The following LRP2 variants were observed in gnomAD, a reference collection of about 807,000 sequenced individuals.
LRP2 encodes the protein low-density lipoprotein receptor-related protein 2.
A neutral mutation model predicts 531.0 loss-of-function variants in LRP2; 172 were observed. The ratio of observed to expected loss-of-function variants is 0.32; its 90% CI spans 0.29 to 0.37. The LOEUF (loss-of-function observed/expected upper bound fraction) is 0.37. Among genes scored for constraint, LRP2 ranks in the 10% least tolerant of loss-of-function variants. The probability of loss-of-function intolerance (pLI) is 1.00; values close to 1 mark genes in which losing one functional copy is unlikely to be tolerated. For synonymous variants in LRP2, 1,992 were observed against 2,027.6 expected, an observed-to-expected ratio of 0.98 and a Z score of 0.47; for missense variants, 5,167 against 5,868.3, an observed-to-expected ratio of 0.88 and a Z score of 3.90.
In LRP2 at chr2:169,129,434, G is replaced by T. The variant is rs529058345; in HGVS notation, c.13729-350C>A. Among the ~76,000 whole-genome samples, 4 of 152,334 alleles carry T rather than the reference G, an allele frequency of 2.6e-5. No individual in the cohort carries two copies. In the South Asian group the frequency reaches 8.3e-4, roughly 32 times the overall value. On this transcript the variant is annotated intron_variant, in intron 77 of 78. Coordinates refer to ENST00000649046, the MANE Select transcript of LRP2 (RefSeq NM_004525.3). ...CACAAGATGCATCTGGAGAAAAAGA[G>T]ATTTCTGGGGCTGCCTGAAAATTGG...
At chr2:169,134,854 GC>G (rs1254264277) in intron 76 of LRP2, among the ~76,000 whole-genome samples, 1 of 152,142 alleles carries the variant, frequency 6.6e-6, no homozygotes, top group Non-Finnish European at 1.5e-5. Context: ...GTCATTCACT[GC>G]AAGGGCCATC....
At chr2:169,299,365 T>C (rs1444672603) in intron 4 of LRP2, among the ~76,000 whole-genome samples, 1 of 152,038 alleles carries the variant, frequency 6.6e-6, no homozygotes, top group Non-Finnish European at 1.5e-5. Flanking sequence ...GTCTTAAGCC[T>C]GAGATTCCTT....
chr2:169,153,223 G>T (rs1285090192), intron 66 of LRP2, among the ~76,000 whole-genome samples: 1 of 152,146 alleles, frequency 6.6e-6, no homozygotes. Context: ...TCATTTAAAC[G>T]TATTTCAACA....
At position 169,228,706 on chromosome 2, in the gene LRP2, C is replaced by T. The variant is rs548422477; in HGVS notation, c.5228-2118G>A. The stretch of plus-strand genomic sequence containing the variant: ...CTGATAACTGCTGATGTACTGAGAA[C>T]GTTTACCACCAATGAACATTTGCAA... On this transcript the variant is annotated intron_variant, in intron 31 of 78. Coordinates refer to ENST00000649046, the MANE Select transcript of LRP2 (RefSeq NM_004525.3). Among the ~76,000 whole-genome samples the T allele has an allele frequency of 5.9e-5, 9 of 152,226 alleles. No homozygotes were observed. The South Asian group carries it at 1.5e-3, about 25-fold the overall frequency.
intron 1 of LRP2, among the ~76,000 whole-genome samples, chr2:169,341,405 C>T (rs963558525): frequency 6.6e-6 from 1 of 152,120 alleles, no homozygotes; most frequent in Non-Finnish European, 1.5e-5. Context: ...CAATTCAATT[C>T]CCCAGGCATT....
Position 169,239,671 on chromosome 2 carries a change from C to T in LRP2, c.4150G>A (p.Asp1384Asn). 1 of 1,613,966 alleles carries T rather than the reference C, an allele frequency of 6.2e-7. No individual in the cohort carries two copies. The highest frequency in any genetic ancestry group is 8.5e-7 in the Non-Finnish European group (1 of 1,179,816). The change falls in exon 26 of 79, where the codon GAT becomes AAT. Residue 1384 changes from aspartate to asparagine, a missense_variant. Asp to Asn is a conservative substitution (Grantham distance 23). This residue lies in a region of LRP2 where 2,811 missense variants were observed against 3,058.0 expected (regional missense o/e 0.92). Coordinates refer to ENST00000649046, the MANE Select transcript of LRP2 (RefSeq NM_004525.3). ...TCTATGTCTTCACAGGTCTTAGAAT[C>T]ATTGGCAAGTAAGAATCCCAATGGA... ...LCPLGFLLAN[D>N]SKTCEDIDEC... is the part of the protein sequence containing the mutation.
rs1261979258 is a variant in LRP2, at chr2:169,246,889, A to G, written c.3006T>C (p.Tyr1002=). The G allele has an allele frequency of 3.1e-6, 5 of 1,614,200 alleles. No homozygotes were observed. In the South Asian group the frequency reaches 4.4e-5, roughly 14 times the overall value. ...PNFQRVCGCP[Y]GMRLASNHLT... is the part of the protein sequence containing the mutation. ...AGTGATTGGAAGCCAGCCTCATTCC[A>G]TAAGGGCACCCACACACTCGCTGGA... is the stretch of plus-strand genomic sequence containing the variant. The change falls in exon 21 of 79, where the codon TAT becomes TAC. Residue 1002 remains tyrosine (Y), a synonymous_variant. Coordinates refer to ENST00000649046, the MANE Select transcript of LRP2 (RefSeq NM_004525.3).
At chr2:169,257,381 A>G (rs374558057) in intron 17 of LRP2, 132 bp from the exon 18 acceptor site, 13 of 893,760 alleles carry the variant, frequency 1.5e-5, no homozygotes, top group African/African-American at 1.3e-4. Flanking sequence ...ATTGAACTTA[A>G]CATACTTAGT....
chr2:169,263,681 A>G (rs1273114497), intron 16 of LRP2, among the ~76,000 whole-genome samples: 1 of 151,904 alleles, frequency 6.6e-6, no homozygotes, highest in Non-Finnish European at 1.5e-5. Context: ...TGTGGAAGTC[A>G]GTGTGGCGAT....
At chr2:169,148,737 C>T (rs1273958912) in intron 68 of LRP2, among the ~76,000 whole-genome samples, 1 of 152,034 alleles carries the variant, frequency 6.6e-6, no homozygotes, top group African/African-American at 2.4e-5. Flanking sequence ...ACAAAAGGTA[C>T]ACAGAATGAT....
intron 1 of LRP2, among the ~76,000 whole-genome samples, chr2:169,352,338 T>A (rs1408773368): frequency 2.0e-5 from 3 of 152,226 alleles, no homozygotes; most frequent in East Asian, 3.8e-4. Context: ...ATGAGGGTAG[T>A]ACTTCATGTC....
chr2:169,214,402 A>T (rs1688704676), intron 35 of LRP2, among the ~76,000 whole-genome samples: 1 of 152,202 alleles, frequency 6.6e-6, no homozygotes, highest in Admixed American at 6.5e-5. Flanking sequence ...CTACAAGAAT[A>T]AAGTCCCTAA....
chr2:169,150,451 T>A (rs1200176882), intron 68 of LRP2, among the ~76,000 whole-genome samples: 1 of 152,214 alleles, frequency 6.6e-6, no homozygotes, highest in Non-Finnish European at 1.5e-5. Context: ...TAATATATAT[T>A]TATACATGTG....
chr2:169,362,190 G>C, intron 1 of LRP2, 131 bp downstream of exon 1: 2 of 716,030 alleles, frequency 2.8e-6, no homozygotes, highest in Middle Eastern at 4.1e-4. Flanking sequence ...CGCCCCACCG[G>C]GAGCAGCTCC....
At chr2:169,187,889 G>GGA in intron 49 of LRP2, 81 bp downstream of exon 49, 1 of 1,434,432 alleles carries the variant, frequency 7.0e-7, no homozygotes, top group Non-Finnish European at 9.8e-7. Flanking sequence ...AGGACAGGTT[G>GGA]GAAAGTCTAA....
At chr2:169,346,540 A>G (rs1313089252) in intron 1 of LRP2, among the ~76,000 whole-genome samples, 4 of 152,184 alleles carry the variant, frequency 2.6e-5, no homozygotes, top group African/African-American at 9.6e-5. Context: ...ATTACACAGT[A>G]ACTTTAAAGA....
intron 22 of LRP2, among the ~76,000 whole-genome samples, chr2:169,243,834 C>T (rs1689903746): frequency 7.3e-6 from 1 of 136,528 alleles, no homozygotes; most frequent in Admixed American, 8.1e-5. Context: ...ACTATGAAGT[C>T]CATGACTCTA....
intron 54 of LRP2, among the ~76,000 whole-genome samples, chr2:169,175,960 G>C (rs1558996595): frequency 6.6e-6 from 1 of 152,148 alleles, no homozygotes; most frequent in Non-Finnish European, 1.5e-5. Flanking sequence ...AAAATAATCT[G>C]TGGCCATGTT....
chr2:169,248,915 C>A (rs1197905396), intron 19 of LRP2, among the ~76,000 whole-genome samples: 1 of 87,630 alleles, frequency 1.1e-5, no homozygotes, highest in Admixed American at 1.3e-4. Context: ...CCGAATATTG[C>A]GCTTTTCAGA....
Sources: gnomAD v4.1 joint callset for allele counts (sites outside exome capture counted in the v4.1 genomes callset) on GRCh38, gnomAD v4.1.1 for gene constraint, gnomAD v4.1.1 regional missense constraint, MANE v1.5 for transcripts, NCBI Gene and HGNC (gene_info 2026-07-23, HGNC 2026-07-21) for gene names.